The following GRIN2B variants were observed in gnomAD, a reference collection of about 807,000 sequenced individuals.
The protein encoded by GRIN2B is glutamate ionotropic receptor NMDA type subunit 2B, also known as glutamate receptor ionotropic, NMDA 2B.
GRIN2B carries 5 observed loss-of-function variants against 114.5 expected under a neutral mutation model. The ratio of observed to expected loss-of-function variants is 0.04; its 90% CI spans 0.02 to 0.09. The LOEUF is 0.09. GRIN2B is among the 10% of genes least tolerant of loss of function. GRIN2B has a pLI of 1.00. For synonymous variants in GRIN2B, 787 were observed against 745.1 expected (o/e 1.06, Z -0.92); for missense variants, 1,108 against 1,943.5 (o/e 0.57, Z 8.08).
intron 5 of GRIN2B, among the ~76,000 whole-genome samples, chr12:13,637,184 G>C (rs2136503413): frequency 6.6e-6 from 1 of 152,224 alleles, no homozygotes; most frequent in African/African-American, 2.4e-5. Flanking sequence ...GTACTCATTG[G>C]CCAAATTCAG....
chr12:13,881,177 A>G (rs1866068311), intron 2 of GRIN2B, among the ~76,000 whole-genome samples: 2 of 152,154 alleles, frequency 1.3e-5, no homozygotes, highest in Admixed American at 1.3e-4. Context: ...TTCTTAAAAT[A>G]TGTTCATGAA....
Position 13,660,084 on chromosome 12 carries a change from C to G in GRIN2B, c.1125+15661G>C, listed in dbSNP as rs115858235. Among the ~76,000 whole-genome samples the G allele has an allele frequency of 6.0e-3, 913 of 152,228 alleles. 11 individuals carry two copies. The highest frequency in any genetic ancestry group is 0.02 in the African/African-American group (851 of 41,532). On this transcript the variant is annotated intron_variant, in intron 5 of 13. Transcript: ENST00000609686. ...TGCTCACAGCGAGGTGGCTGGCTTC[C>G]CTTAGAGCAAGGGATGCAAGAGAGA...
intron 9 of GRIN2B, 101 bp from the exon 10 acceptor site, chr12:13,608,933 C>G: frequency 2.4e-6 from 2 of 845,120 alleles, no homozygotes; most frequent in Non-Finnish European, 4.0e-6. Flanking sequence ...AGCAGGAAAC[C>G]CTTCCGCTAA....
intron 10 of GRIN2B, among the ~76,000 whole-genome samples, chr12:13,590,626 A>G (rs1948996126): frequency 6.6e-6 from 1 of 151,928 alleles, no homozygotes; most frequent in Non-Finnish European, 1.5e-5. Context: ...TAAGTGCCAC[A>G]TTTTCTTTAT....
In GRIN2B at chr12:13,553,339, C is replaced by T. The variant is rs1242102703; in HGVS notation, c.*9444G>A. 6.6e-6 allele frequency: 1 copy of T among 152,198 alleles called. No homozygotes were observed. Among genetic ancestry groups the T allele is most frequent in the Non-Finnish European group, 1.5e-5 (1 of 68,030 alleles). The allele number at this position is 152,198 out of a possible 1,614,324, so 9.4% of individuals were successfully genotyped here. A position where few individuals can be genotyped will look rare whatever the true frequency, so the allele number is the denominator to read the frequency against. On this transcript the variant is annotated 3_prime_UTR_variant, in exon 14 of 14. Coordinates refer to ENST00000609686, the MANE Select transcript of GRIN2B (RefSeq NM_000834.5). The stretch of plus-strand genomic sequence containing the variant: ...GAGAAAGGAGTAGTTTAGAGACTAG[C>T]ATTCTCTCTGAGCCAGCTCATTCAA...
chr12:13,550,928 A>C lies in GRIN2B; in HGVS notation c.*11855T>G, dbSNP rs1948403608. 6.6e-6 allele frequency: 1 copy of C among 152,230 alleles called. No individual in the cohort carries two copies. The highest frequency in any genetic ancestry group is 2.4e-5 in the African/African-American group (1 of 41,460). The allele number at this position is 152,230 out of a possible 1,614,324, so 9.4% of individuals were successfully genotyped here. On this transcript the variant is annotated 3_prime_UTR_variant, in exon 14 of 14. Transcript: ENST00000609686. ...ATAAATTGAGAAAGAGAAGTAAAGA[A>C]TGCAAGAGATGAAAAGTTAGTGAAG...
At chr12:13,950,457 GGAT>G (rs1278870951) in intron 2 of GRIN2B, among the ~76,000 whole-genome samples, 1 of 152,154 alleles carries the variant, frequency 6.6e-6, no homozygotes, top group African/African-American at 2.4e-5. Flanking sequence ...TGGAAAATAA[GGAT>G]GATAAGAGTA....
intron 3 of GRIN2B, among the ~76,000 whole-genome samples, chr12:13,846,473 C>T (rs1865475203): frequency 6.6e-6 from 1 of 152,150 alleles, no homozygotes. Context: ...GAGGTTGAGA[C>T]TTCTATAGAC....
intron 4 of GRIN2B, among the ~76,000 whole-genome samples, chr12:13,682,753 T>C (rs1331676728): frequency 6.6e-6 from 1 of 152,202 alleles, no homozygotes; most frequent in Admixed American, 6.6e-5. Flanking sequence ...CTTAGTAGTT[T>C]GGGCTGAACT....
At chr12:13,570,707 A>G (rs756152855) in intron 11 of GRIN2B, among the ~76,000 whole-genome samples, 25 of 152,220 alleles carry the variant, frequency 1.6e-4, no homozygotes, top group Non-Finnish European at 1.3e-4. Flanking sequence ...TAAAAAAGGG[A>G]ATAAGACCAG....
At chr12:13,749,224 GTCTC>G (rs1402167753) in intron 4 of GRIN2B, among the ~76,000 whole-genome samples, 1 of 152,190 alleles carries the variant, frequency 6.6e-6, no homozygotes, top group Non-Finnish European at 1.5e-5. Context: ...TCAAATACAT[GTCTC>G]TCTTTGGGAT....
rs146577263 is a variant in GRIN2B at position 13,674,595 on chromosome 12, C to T, written c.1125+1150G>A. ...TGAATTTCAAGAAGTTTATCTCTGGCCTCATTTTCTGGTAACTCTCTCTAG... is the reference window on the plus strand; with the variant it reads ...TGAATTTCAAGAAGTTTATCTCTGGTCTCATTTTCTGGTAACTCTCTCTAG... On this transcript the variant is annotated intron_variant, in intron 5 of 13. Coordinates refer to ENST00000609686, the MANE Select transcript of GRIN2B (RefSeq NM_000834.5). Among the ~76,000 whole-genome samples the T allele has an allele frequency of 4.6e-3, 702 of 152,126 alleles. 7 individuals carry two copies. The highest frequency in any genetic ancestry group is 0.016 in the African/African-American group (675 of 41,526).
chr12:13,885,717 T>G (rs1465573893), intron 2 of GRIN2B, among the ~76,000 whole-genome samples: 2 of 152,232 alleles, frequency 1.3e-5, no homozygotes, highest in African/African-American at 4.8e-5. Context: ...AGAAGTAGTA[T>G]TCTGAAGTTT....
rs543882230 is a variant in GRIN2B at position 13,866,575 on chromosome 12, T to G, written c.-18-349A>C. Reference sequence around the variant, plus strand: ...CTGGCCCTCCTGTTACAGCCCACCCTTGTACTGTTCTTGGGCTGAAGGAAA... The same window carrying G: ...CTGGCCCTCCTGTTACAGCCCACCCGTGTACTGTTCTTGGGCTGAAGGAAA... On this transcript the variant is annotated intron_variant, in intron 2 of 13. Coordinates refer to ENST00000609686, the MANE Select transcript of GRIN2B (RefSeq NM_000834.5). 3.9e-5 allele frequency among the ~76,000 whole-genome samples: 6 copies of G among 152,276 alleles called. No individual in the cohort carries two copies. The South Asian group carries it at 1.0e-3, about 26-fold the overall frequency.
intron 12 of GRIN2B, 42 bp from the exon 13 acceptor site, chr12:13,567,305 A>G (rs763394948): frequency 5.0e-6 from 7 of 1,411,828 alleles, no homozygotes; most frequent in Non-Finnish European, 7.0e-6. Flanking sequence ...AAAAGAGGAG[A>G]CAGGAAAGGA....
chr12:13,789,473 G>A (rs1169291675), intron 3 of GRIN2B, among the ~76,000 whole-genome samples: 1 of 152,164 alleles, frequency 6.6e-6, no homozygotes, highest in Non-Finnish European at 1.5e-5. Context: ...TAAATCACAA[G>A]AGACCCTAAA....
At chr12:13,791,204 T>C (rs1364784019) in intron 3 of GRIN2B, among the ~76,000 whole-genome samples, 3 of 151,962 alleles carry the variant, frequency 2.0e-5, no homozygotes, top group Non-Finnish European at 2.9e-5. Context: ...TGGCTCACAC[T>C]TGTAATCCCA....
chr12:13,729,449 G>A (rs1863045165), intron 4 of GRIN2B, among the ~76,000 whole-genome samples: 1 of 152,106 alleles, frequency 6.6e-6, no homozygotes. Flanking sequence ...TTCAAGGCCA[G>A]GTTAAGTCTT....
chr12:13,562,869 G>A lies in GRIN2B; in HGVS notation c.4369C>T (p.Pro1457Ser), dbSNP rs1317229312. Reference sequence around the variant, plus strand: ...AAAGCCCTGGGGTTTTTGTTGTTAGGCACACAGGGGTTGGACTGGTTCCCT... The same window carrying A: ...AAAGCCCTGGGGTTTTTGTTGTTAGACACACAGGGGTTGGACTGGTTCCCT... ...CIGNQSNPCV[P>S]NNKNPRAFNG... The change falls in exon 14 of 14, where the codon CCT becomes TCT. Residue 1457 changes from proline to serine, a missense_variant. Physicochemically the swap from Pro to Ser is moderately conservative, Grantham distance 74. This residue lies in a region of GRIN2B where 478 missense variants were observed against 506.0 expected (regional missense o/e 0.94). Coordinates refer to ENST00000609686, the MANE Select transcript of GRIN2B (RefSeq NM_000834.5). The A allele has an allele frequency of 1.2e-6, 2 of 1,613,862 alleles. No individual in the cohort carries two copies. The highest frequency in any genetic ancestry group is 2.2e-5 in the East Asian group (1 of 44,890).
Sources: gnomAD v4.1 joint callset for allele counts (sites outside exome capture counted in the v4.1 genomes callset) on GRCh38, gnomAD v4.1.1 for gene constraint, gnomAD v4.1.1 regional missense constraint, MANE v1.5 for transcripts, NCBI Gene and HGNC (gene_info 2026-07-23, HGNC 2026-07-21) for gene names.